Variants in ARHGAP15 observed in about 807,000 individuals in gnomAD.
ARHGAP15 encodes Rho GTPase activating protein 15.
ARHGAP15 carries 51 observed loss-of-function variants against 63.7 expected under a neutral mutation model. The ratio of observed to expected loss-of-function variants is 0.80; its 90% CI spans 0.64 to 1.01. The LOEUF is 1.01. ARHGAP15 is among the 50% of genes least tolerant of loss of function. The pLI, the probability that ARHGAP15 is intolerant of heterozygous loss-of-function variation, is 0.00. For synonymous variants in ARHGAP15, 191 were observed against 193.8 expected (o/e 0.99, Z 0.12); for missense variants, 560 against 564.6 (o/e 0.99, Z 0.08).
intron 10 of ARHGAP15, among the ~76,000 whole-genome samples, chr2:143,522,668 T>C (rs190855756): frequency 4.6e-5 from 7 of 152,288 alleles, no homozygotes; most frequent in Non-Finnish European, 1.0e-4. Context: ...CACATAGCGT[T>C]ACATACACTA....
At chr2:143,700,758 G>A (rs1161505352) in intron 12 of ARHGAP15, among the ~76,000 whole-genome samples, 1 of 152,084 alleles carries the variant, frequency 6.6e-6, no homozygotes, top group Non-Finnish European at 1.5e-5. Flanking sequence ...AGCTTCAAAC[G>A]GTTGGATAGA....
At position 143,632,466 on chromosome 2, in the gene ARHGAP15, A is replaced by G. The variant is rs115364459; in HGVS notation, c.1138+8199A>G. On this transcript the variant is annotated intron_variant, in intron 12 of 13. Transcript: ENST00000295095. ...TTCAATTTAAAGGCTACAATCACAC[A>G]TGCCTTTGAAGAGTGTTTTTTTAAA... Among the ~76,000 whole-genome samples, 1,394 of 152,218 alleles carry G rather than the reference A, an allele frequency of 9.2e-3. 28 individuals carry two copies. Among genetic ancestry groups the G allele is most frequent in the Non-Finnish European group, 8.3e-3 (563 of 67,972 alleles).
At chr2:143,326,611 A>C (rs938922199) in intron 6 of ARHGAP15, among the ~76,000 whole-genome samples, 1 of 152,202 alleles carries the variant, frequency 6.6e-6, no homozygotes, top group Non-Finnish European at 1.5e-5. Flanking sequence ...GTTACTGTAC[A>C]TGCCACTCAT....
chr2:143,148,301 G>A (rs1160503024), intron 1 of ARHGAP15, among the ~76,000 whole-genome samples: 1 of 152,024 alleles, frequency 6.6e-6, no homozygotes, highest in South Asian at 2.1e-4. Context: ...TGGTAGGCAA[G>A]CCTGCTTGTG....
intron 1 of ARHGAP15, among the ~76,000 whole-genome samples, chr2:143,144,401 AT>A (rs1240687975): frequency 6.6e-6 from 1 of 151,946 alleles, no homozygotes; most frequent in African/African-American, 2.4e-5. Flanking sequence ...TTTATGAACT[AT>A]TTTTTAAGTG....
chr2:143,564,782 T>C (rs779461510), intron 11 of ARHGAP15, among the ~76,000 whole-genome samples: 4 of 152,228 alleles, frequency 2.6e-5, no homozygotes, highest in Non-Finnish European at 4.4e-5. Flanking sequence ...ATGGATATAT[T>C]ATGTATGTTA....
At chr2:143,454,154 G>A (rs748843991) in intron 8 of ARHGAP15, among the ~76,000 whole-genome samples, 11 of 151,960 alleles carry the variant, frequency 7.2e-5, no homozygotes, top group East Asian at 3.9e-4. Flanking sequence ...CTGAGGACTC[G>A]TATCTGTAGT....
At chr2:143,152,505 TG>T (rs1051280392) in intron 1 of ARHGAP15, among the ~76,000 whole-genome samples, 2 of 152,000 alleles carry the variant, frequency 1.3e-5, no homozygotes, top group African/African-American at 2.4e-5. Context: ...GTTTCTCTAT[TG>T]CCCTCACCAA....
At chr2:143,316,080 C>A (rs1243173999) in intron 6 of ARHGAP15, among the ~76,000 whole-genome samples, 2 of 151,978 alleles carry the variant, frequency 1.3e-5, no homozygotes, top group Non-Finnish European at 2.9e-5. Flanking sequence ...GAGCGAAACT[C>A]TGTCTCAAAA....
chr2:143,622,738 A>AC lies in ARHGAP15; in HGVS notation c.1004-1395_1004-1394insC, dbSNP rs1698685674. On this transcript the variant is annotated intron_variant, in intron 11 of 13. Coordinates refer to ENST00000295095, the MANE Select transcript of ARHGAP15 (RefSeq NM_018460.4). Reference sequence around the variant, plus strand: ...CTTTGCAAACACACTGTTGAGCAGGAACACCACTTACTATAAGCCTTAGAA... The same window carrying AC: ...CTTTGCAAACACACTGTTGAGCAGGACACACCACTTACTATAAGCCTTAGAA... Among the ~76,000 whole-genome samples the AC allele has an allele frequency of 2.7e-5, 4 of 150,652 alleles. No homozygotes were observed. The Admixed American group carries it at 2.7e-4, about 10-fold the overall frequency.
At chr2:143,232,017 G>C (rs1168093046) in intron 5 of ARHGAP15, among the ~76,000 whole-genome samples, 1 of 152,178 alleles carries the variant, frequency 6.6e-6, no homozygotes, top group African/African-American at 2.4e-5. Flanking sequence ...GAATTTTAGA[G>C]TAACACAAAC....
intron 6 of ARHGAP15, among the ~76,000 whole-genome samples, chr2:143,426,716 C>A (rs1463968932): frequency 6.6e-6 from 1 of 152,124 alleles, no homozygotes; most frequent in Non-Finnish European, 1.5e-5. Context: ...GGTAGCGAGT[C>A]CCCAAGATCA....
chr2:143,690,442 G>A (rs1683544222), intron 12 of ARHGAP15, among the ~76,000 whole-genome samples: 2 of 152,136 alleles, frequency 1.3e-5, no homozygotes, highest in Admixed American at 1.3e-4. Context: ...TGTGACCTCT[G>A]CCTATGGCTA....
At chr2:143,396,464 C>G (rs1687762682) in intron 6 of ARHGAP15, among the ~76,000 whole-genome samples, 1 of 151,894 alleles carries the variant, frequency 6.6e-6, no homozygotes, top group African/African-American at 2.4e-5. Flanking sequence ...AGCAATGAGT[C>G]CCCCAGTCAA....
At chr2:143,521,781 C>T (rs1264542058) in intron 10 of ARHGAP15, among the ~76,000 whole-genome samples, 1 of 139,234 alleles carries the variant, frequency 7.2e-6, no homozygotes, top group East Asian at 2.2e-4. Flanking sequence ...GATTTGTTTC[C>T]TTCTCTTTTT....
chr2:143,688,215 C>A (rs1340857902), intron 12 of ARHGAP15, among the ~76,000 whole-genome samples: 1 of 151,984 alleles, frequency 6.6e-6, no homozygotes. Context: ...TTTTTCAATA[C>A]CATTATTATA....
intron 6 of ARHGAP15, among the ~76,000 whole-genome samples, chr2:143,253,788 T>C (rs1178564251): frequency 3.3e-5 from 5 of 151,550 alleles, no homozygotes; most frequent in Admixed American, 2.6e-4. Context: ...TATGTATATA[T>C]ACTCTACCTG....
At chr2:143,574,398 C>T (rs1185051980) in intron 11 of ARHGAP15, among the ~76,000 whole-genome samples, 1 of 151,928 alleles carries the variant, frequency 6.6e-6, no homozygotes, top group Non-Finnish European at 1.5e-5. Context: ...TGTTAGAGTG[C>T]CTTGTTTATT....
At chr2:143,532,848 G>A (rs1420105386) in intron 10 of ARHGAP15, among the ~76,000 whole-genome samples, 2 of 152,094 alleles carry the variant, frequency 1.3e-5, no homozygotes, top group African/African-American at 4.8e-5. Flanking sequence ...TATACCAAAT[G>A]GGCAATGCAT....
Sources: allele counts gnomAD v4.1 joint callset (sites outside exome capture counted in the v4.1 genomes callset), GRCh38; gene constraint gnomAD v4.1.1; transcripts MANE v1.5; gene names NCBI Gene and HGNC (gene_info 2026-07-23, HGNC 2026-07-21).